BMPER: variants seen among roughly 807,000 people sequenced by gnomAD.
The protein encoded by BMPER is BMP-binding endothelial regulator protein.
In BMPER, 45 loss-of-function variants were observed where a neutral mutation model predicts 87.3. The observed-to-expected ratio is 0.52, with a 90% CI of 0.41 to 0.66. The LOEUF is 0.66. Ranked by LOEUF, BMPER falls within the 30% of genes least tolerant of loss-of-function variation. BMPER has a pLI of 0.00. For missense variants in BMPER, 784 were observed against 867.5 expected (o/e 0.90, Z 1.21); for synonymous variants, 326 against 316.2 (o/e 1.03, Z -0.33).
chr7:33,911,384 G>A (rs1350490932), intron 2 of BMPER, among the ~76,000 whole-genome samples: 1 of 152,218 alleles, frequency 6.6e-6, no homozygotes, highest in East Asian at 1.9e-4. Flanking sequence ...TTCCTTCTTT[G>A]CTAAACCAGA....
In BMPER at chr7:34,051,895, C is replaced by A. The variant is rs1329189745; in HGVS notation, c.711C>A (p.Ser237Arg). The A allele has an allele frequency of 6.2e-7, 1 of 1,614,006 alleles. No individual in the cohort carries two copies. The highest frequency in any genetic ancestry group is 1.1e-5 in the South Asian group (1 of 91,084). The change falls in exon 8 of 15, where the codon AGC becomes AGA. Residue 237 changes from serine (S) to arginine (R), a missense_variant. Ser to Arg is a moderately radical substitution (Grantham distance 110). Coordinates refer to ENST00000649409, the MANE Select transcript of BMPER (RefSeq NM_001365308.1). Reference sequence around the variant, plus strand: ...AAGTGTTTGACCTCCCTTTTGGGAGCTGCCTCTTTCGAAGTGATGTTTATG... The same window carrying A: ...AAGTGTTTGACCTCCCTTTTGGGAGATGCCTCTTTCGAAGTGATGTTTATG... The part of the protein sequence containing the change: ...QRKVFDLPFG[S>R]CLFRSDVYDN...
At chr7:34,064,142 T>C (rs1359833026) in intron 11 of BMPER, among the ~76,000 whole-genome samples, 1 of 152,134 alleles carries the variant, frequency 6.6e-6, no homozygotes, top group African/African-American at 2.4e-5. Flanking sequence ...AATACAAAAA[T>C]TAGCTGGGCG....
At chr7:34,065,329 C>T (rs1177007272) in intron 11 of BMPER, among the ~76,000 whole-genome samples, 3 of 151,266 alleles carry the variant, frequency 2.0e-5, no homozygotes, top group Admixed American at 1.3e-4. Flanking sequence ...ATCATCCTGT[C>T]GTGGGGCTGT....
intron 6 of BMPER, among the ~76,000 whole-genome samples, chr7:34,028,601 G>GTTTTTTTTTGTTT (rs1787427525): frequency 2.8e-5 from 1 of 36,054 alleles, no homozygotes; most frequent in Non-Finnish European, 5.1e-5. Flanking sequence ...CATTTTTTCT[G>GTTTTTTTTTGTTT]TTTTTTTTTT....
intron 13 of BMPER, among the ~76,000 whole-genome samples, chr7:34,109,664 T>C (rs1452899301): frequency 1.3e-5 from 2 of 152,210 alleles, no homozygotes; most frequent in Non-Finnish European, 2.9e-5. Context: ...TGGGTACCAG[T>C]TAGGCTCTGA....
intron 13 of BMPER, among the ~76,000 whole-genome samples, chr7:34,135,055 G>A (rs536380630): frequency 6.6e-6 from 1 of 152,286 alleles, no homozygotes; most frequent in East Asian, 1.9e-4. Flanking sequence ...ACCTCCTGGG[G>A]AAAGTTAGGA....
chr7:33,983,240 T>C (rs1473362704), intron 6 of BMPER, among the ~76,000 whole-genome samples: 1 of 152,208 alleles, frequency 6.6e-6, no homozygotes, highest in African/African-American at 2.4e-5. Flanking sequence ...TGTATGTTTT[T>C]ATTTTAATGG....
intron 2 of BMPER, among the ~76,000 whole-genome samples, chr7:33,916,008 C>T (rs978675032): frequency 6.6e-6 from 1 of 152,126 alleles, no homozygotes; most frequent in East Asian, 1.9e-4. Context: ...GGGCCGTGGT[C>T]GGCACTTTAG....
At chr7:34,121,566 G>A (rs1790263815) in intron 13 of BMPER, among the ~76,000 whole-genome samples, 1 of 152,088 alleles carries the variant, frequency 6.6e-6, no homozygotes, top group Non-Finnish European at 1.5e-5. Flanking sequence ...GGGAGTTTTG[G>A]TCATGATTAT....
intron 6 of BMPER, among the ~76,000 whole-genome samples, chr7:33,988,901 T>G (rs1364021052): frequency 7.7e-6 from 1 of 129,532 alleles, no homozygotes; most frequent in Non-Finnish European, 1.6e-5. Flanking sequence ...TTACTGAGAA[T>G]GATGATTTCC....
At chr7:33,917,103 A>C (rs1239661193) in intron 2 of BMPER, among the ~76,000 whole-genome samples, 1 of 152,210 alleles carries the variant, frequency 6.6e-6, no homozygotes, top group Non-Finnish European at 1.5e-5. Context: ...AAAAGCAGAA[A>C]TGTCCCTGAC....
chr7:34,113,003 C>A (rs1790020484), intron 13 of BMPER, among the ~76,000 whole-genome samples: 1 of 151,404 alleles, frequency 6.6e-6, no homozygotes, highest in African/African-American at 2.4e-5. Flanking sequence ...ATGGCATGCA[C>A]ATTTTAAGAG....
At chr7:33,978,262 C>G (rs12539825) in intron 6 of BMPER, among the ~76,000 whole-genome samples, 68,301 of 152,070 alleles carry the variant, frequency 0.45, 15,568 homozygotes, top group African/African-American at 0.52. Context: ...GAAGCAGAGA[C>G]AGCAGCCCTT....
At chr7:33,967,867 A>T (rs976473725) in intron 4 of BMPER, among the ~76,000 whole-genome samples, 1 of 152,230 alleles carries the variant, frequency 6.6e-6, no homozygotes, top group African/African-American at 2.4e-5. Flanking sequence ...CCTATGTAAC[A>T]GTCAGAGGTT....
At position 33,990,906 on chromosome 7, in the gene BMPER, G is replaced by T. The variant is rs1184800821; in HGVS notation, c.576+16122G>T. 7.3e-3 allele frequency among the ~76,000 whole-genome samples: 818 copies of T among 111,468 alleles called. 10 individuals are homozygous for T. The highest frequency in any genetic ancestry group is 0.027 in the African/African-American group (779 of 28,558). 73.1% of individuals were successfully genotyped at this position (111,468 alleles called of 152,430 possible). ...TTTTTGTCTTTGGCTCTGTTTATATGCTGGATTACATTTATTGATTTGCAT... is the reference window on the plus strand; with the variant it reads ...TTTTTGTCTTTGGCTCTGTTTATATTCTGGATTACATTTATTGATTTGCAT... On this transcript the variant is annotated intron_variant, in intron 6 of 14. Transcript: ENST00000649409.
At chr7:34,018,794 A>C (rs1787105206) in intron 6 of BMPER, among the ~76,000 whole-genome samples, 1 of 151,952 alleles carries the variant, frequency 6.6e-6, no homozygotes, top group South Asian at 2.1e-4. Flanking sequence ...ATGAAAGACA[A>C]ATTTCCAGGA....
intron 13 of BMPER, among the ~76,000 whole-genome samples, chr7:34,106,825 G>A (rs1285072030): frequency 6.6e-6 from 1 of 152,188 alleles, no homozygotes; most frequent in Non-Finnish European, 1.5e-5. Context: ...AGGCCGACAG[G>A]CTTTGAGTAT....
In BMPER at chr7:34,038,436, C is replaced by G. The variant is rs193054640; in HGVS notation, c.577-7870C>G. On this transcript the variant is annotated intron_variant, in intron 6 of 14. Transcript: ENST00000649409. ...CAGAAGGAATGCAGCCTGCTGATAC[C>G]TGGATTTTAGCCCCATGAAACTGAT... 1.1e-3 allele frequency among the ~76,000 whole-genome samples: 175 copies of G among 152,292 alleles called. 3 individuals carry two copies. The highest frequency in any genetic ancestry group is 1.7e-3 in the South Asian group (8 of 4,830).
intron 2 of BMPER, among the ~76,000 whole-genome samples, chr7:33,927,109 A>G (rs1332348113): frequency 6.6e-6 from 1 of 152,240 alleles, no homozygotes; most frequent in Non-Finnish European, 1.5e-5. Context: ...CTTTGTCAAA[A>G]TGACAGATGG....
Sources: gnomAD v4.1 joint callset for allele counts (sites outside exome capture counted in the v4.1 genomes callset) on GRCh38, gnomAD v4.1.1 for gene constraint, MANE v1.5 for transcripts, NCBI Gene and HGNC (gene_info 2026-07-23, HGNC 2026-07-21) for gene names.